CRMP1: variants seen among roughly 807,000 people sequenced by gnomAD.
CRMP1 encodes the protein dihydropyrimidinase-related protein 1.
CRMP1 carries 19 observed loss-of-function variants against 68.3 expected under a neutral mutation model. The observed-to-expected ratio is 0.28, with a 90% CI of 0.19 to 0.41. CRMP1 has a LOEUF of 0.41. CRMP1 is among the 10% of genes least tolerant of loss of function. The pLI, the probability that CRMP1 is intolerant of heterozygous loss-of-function variation, is 1.00. For missense variants in CRMP1, 791 were observed against 967.4 expected, an observed-to-expected ratio of 0.82 and a Z score of 2.42; for synonymous variants, 439 against 399.6, an observed-to-expected ratio of 1.10 and a Z score of -1.18.
Position 5,881,736 on chromosome 4 carries a change from A to C in CRMP1, c.381+10853T>G, listed in dbSNP as rs1715233809. On this transcript the variant is annotated intron_variant, in intron 1 of 13. Coordinates refer to ENST00000324989, the MANE Select transcript of CRMP1 (RefSeq NM_001014809.3). This position sits in a 1 kb window ranked among gnomAD's most constrained non-coding sequence, Gnocchi z 4.6. ...AATAATTTGTAGACTTGGTTGTAGC[A>C]AACATAAATTTTAAACGCTGATCAA... 6.6e-6 allele frequency among the ~76,000 whole-genome samples: 1 copy of C among 152,226 alleles called. No homozygotes were observed. The highest frequency in any genetic ancestry group is 6.5e-5 in the Admixed American group (1 of 15,288).
rs922590 is a variant in CRMP1 at position 5,828,070 on chromosome 4, G to T, written c.1803+419C>A. ...TGCAAGATGCCAGGGGTAACACCTT[G>T]CTCCACAGGGCCAGACCCGAGGGTT... On this transcript the variant is annotated intron_variant, in intron 12 of 13. Coordinates refer to ENST00000324989, the MANE Select transcript of CRMP1 (RefSeq NM_001014809.3). The T allele has an allele frequency of 2.7e-3, 2,622 of 985,432 alleles. 62 individuals are homozygous for T. The African/African-American group carries it at 0.042, about 16-fold the overall frequency. The allele number at this position is 985,432 out of a possible 1,614,324, so 61.0% of individuals were successfully genotyped here. A position where few individuals can be genotyped will look rare whatever the true frequency, so the allele number is the denominator to read the frequency against.
At chr4:5,824,745 C>T in intron 13 of CRMP1, 2 of 985,266 alleles carry the variant, frequency 2.0e-6, no homozygotes, top group Non-Finnish European at 2.4e-6. Context: ...AAAAAATCAC[C>T]ATACTCTTAG....
rs1234968931 is a variant in CRMP1, at chr4:5,866,461, G to A, written c.470+207C>T. ...GGAGCTGCCTCAGCCGTGTGGCAGG[G>A]AGCCTAGCCCGGGGGGGCACCCAAG... On this transcript the variant is annotated intron_variant, in intron 2 of 13. Coordinates refer to ENST00000324989, the MANE Select transcript of CRMP1 (RefSeq NM_001014809.3). The surrounding 1 kb of genome is among the most constrained non-coding windows in gnomAD (Gnocchi z 5.9). Among the ~76,000 whole-genome samples, 2 of 152,198 alleles carry A rather than the reference G, an allele frequency of 1.3e-5. No individual in the cohort carries two copies. Among genetic ancestry groups the A allele is most frequent in the East Asian group, 3.9e-4 (2 of 5,186 alleles).
In CRMP1 at chr4:5,841,798, C is replaced by G. The variant is rs1430737865; in HGVS notation, c.1033-370G>C. On this transcript the variant is annotated intron_variant, in intron 7 of 13. Coordinates refer to ENST00000324989, the MANE Select transcript of CRMP1 (RefSeq NM_001014809.3). This position sits in a 1 kb window ranked among gnomAD's most constrained non-coding sequence, Gnocchi z 6.9. ...CGGAACCTGTCCACTCATGTGGACT[C>G]ATGTCTGTGTCCCCTGTGTCCAGCA... Among the ~76,000 whole-genome samples the G allele has an allele frequency of 6.6e-6, 1 of 152,182 alleles. No homozygotes were observed. Among genetic ancestry groups the G allele is most frequent in the Admixed American group, 6.5e-5 (1 of 15,282 alleles).
intron 13 of CRMP1, chr4:5,824,728 C>G (rs1329333704): frequency 1.0e-6 from 1 of 985,118 alleles, no homozygotes; most frequent in Admixed American, 6.1e-5. Context: ...ATCCGGCCTT[C>G]TAAGAAAAAA....
Position 5,890,987 on chromosome 4 carries a change from TG to T in CRMP1, c.381+1601del. ...GCCTTGGCTGGAAACCCGGATTCCC[TG>T]GTGCTGGTCCCGCTTCTCGGCCCGC... is the stretch of plus-strand genomic sequence containing the variant. On this transcript the variant is annotated intron_variant, in intron 1 of 13. Coordinates refer to ENST00000324989, the MANE Select transcript of CRMP1 (RefSeq NM_001014809.3). The surrounding 1 kb of genome is among the most constrained non-coding windows in gnomAD (Gnocchi z 5.5). Among the ~76,000 whole-genome samples the T allele has an allele frequency of 6.6e-6, 1 of 151,988 alleles. No homozygotes were observed. The highest frequency in any genetic ancestry group is 1.5e-5 in the Non-Finnish European group (1 of 67,994).
In CRMP1 at chr4:5,821,868, A is replaced by G. The variant is rs372825726; in HGVS notation, c.1970-17T>C. 1.4e-4 allele frequency: 209 copies of G among 1,541,326 alleles called. 2 individuals are homozygous for G. In the South Asian group the frequency reaches 1.9e-3, roughly 14 times the overall value. On this transcript the variant is annotated splice_polypyrimidine_tract_variant and intron_variant, in intron 13 of 13. Coordinates refer to ENST00000324989, the MANE Select transcript of CRMP1 (RefSeq NM_001014809.3). This position sits in a 1 kb window ranked among gnomAD's most constrained non-coding sequence, Gnocchi z 4.4. ...TCTGGGCACCTGAAAGAGAGCGCCAATCGCTGCTGGATGGGATCTGTTAGC... is the reference window on the plus strand; with the variant it reads ...TCTGGGCACCTGAAAGAGAGCGCCAGTCGCTGCTGGATGGGATCTGTTAGC...
At chr4:5,871,774 C>T (rs1319502962) in intron 1 of CRMP1, among the ~76,000 whole-genome samples, 2 of 152,214 alleles carry the variant, frequency 1.3e-5, no homozygotes, top group African/African-American at 4.8e-5. Context: ...GATACGAATA[C>T]TCAAGAGGAG....
In CRMP1 at chr4:5,861,416, A is replaced by G. The variant is rs908829655; in HGVS notation, c.471-206T>C. On this transcript the variant is annotated intron_variant, in intron 2 of 13. Coordinates refer to ENST00000324989, the MANE Select transcript of CRMP1 (RefSeq NM_001014809.3). This position sits in a 1 kb window ranked among gnomAD's most constrained non-coding sequence, Gnocchi z 6.0. ...GTAAGACAGGTGGGCAGACTGTTAG[A>G]GCCCAGTATAGCAGAGATGATCGGG... is the stretch of plus-strand genomic sequence containing the variant. Among the ~76,000 whole-genome samples, 1 of 152,178 alleles carries G rather than the reference A, an allele frequency of 6.6e-6. No homozygotes were observed. Among genetic ancestry groups the G allele is most frequent in the Non-Finnish European group, 1.5e-5 (1 of 68,026 alleles).
intron 1 of CRMP1, among the ~76,000 whole-genome samples, chr4:5,873,905 G>C (rs996032285): frequency 2.0e-5 from 3 of 152,156 alleles, no homozygotes; most frequent in Non-Finnish European, 4.4e-5. Context: ...TGGGCTCTGT[G>C]GTGAAGGTCA....
At chr4:5,826,460 A>AC (rs1188120600) in intron 12 of CRMP1, 1 of 152,282 alleles carries the variant, frequency 6.6e-6, no homozygotes, top group Non-Finnish European at 1.5e-5. Flanking sequence ...TGGGGAGGAC[A>AC]CCTCCACACC....
chr4:5,851,300 G>C, intron 5 of CRMP1, 108 bp downstream of exon 5: 1 of 994,520 alleles, frequency 1.0e-6, no homozygotes, highest in Non-Finnish European at 1.6e-6. Flanking sequence ...ACCAGGACTC[G>C]AATCCCACGG....
Position 5,821,700 on chromosome 4 carries a change from G to T in CRMP1, c.*60C>A. ...ACTGTGGGTTTCAAAAACACTGACA[G>T]GAAAAGGGATGGACATGATTCCCAG... is the stretch of plus-strand genomic sequence containing the variant. On this transcript the variant is annotated 3_prime_UTR_variant, in exon 14 of 14. Coordinates refer to ENST00000324989, the MANE Select transcript of CRMP1 (RefSeq NM_001014809.3). The surrounding 1 kb of genome is among the most constrained non-coding windows in gnomAD (Gnocchi z 4.4). The T allele has an allele frequency of 6.7e-7, 1 of 1,487,516 alleles. No individual in the cohort carries two copies. 92.1% of individuals were successfully genotyped at this position (1,487,516 alleles called of 1,614,324 possible).
chr4:5,889,528 A>G lies in CRMP1; in HGVS notation c.381+3061T>C. 6.6e-7 allele frequency: 1 copy of G among 1,523,954 alleles called. No individual in the cohort carries two copies. Among genetic ancestry groups the G allele is most frequent in the Non-Finnish European group, 8.8e-7 (1 of 1,136,268 alleles). 94.4% of individuals were successfully genotyped at this position (1,523,954 alleles called of 1,614,324 possible). On this transcript the variant is annotated intron_variant, in intron 1 of 13. Coordinates refer to ENST00000324989, the MANE Select transcript of CRMP1 (RefSeq NM_001014809.3). The surrounding 1 kb of genome is among the most constrained non-coding windows in gnomAD (Gnocchi z 4.5). ...GACAAGGTCCGTAACAGCAGAGGGG[A>G]AAAGATGAAAGAAGATGGAGGAAAA...
intron 13 of CRMP1, among the ~76,000 whole-genome samples, chr4:5,823,411 G>A (rs1199116470): frequency 6.6e-6 from 1 of 152,190 alleles, no homozygotes; most frequent in Non-Finnish European, 1.5e-5. Flanking sequence ...TACCTTGCTG[G>A]TTGCATGTCT....
At chr4:5,868,255 A>ATATATCTATATATATATATATC in intron 1 of CRMP1, among the ~76,000 whole-genome samples, 1 of 80,686 alleles carries the variant, frequency 1.2e-5, no homozygotes, top group Non-Finnish European at 2.7e-5. Flanking sequence ...CTTCATGACT[A>ATATATCTATATATATATATATC]TATATCTATA....
intron 1 of CRMP1, among the ~76,000 whole-genome samples, chr4:5,868,285 A>ATATC (rs1714170067): frequency 8.2e-6 from 1 of 122,548 alleles, no homozygotes; most frequent in South Asian, 3.0e-4. Context: ...ATATATATAT[A>ATATC]TATATATATA....
Position 5,881,436 on chromosome 4 carries a change from T to C in CRMP1, c.381+11153A>G, listed in dbSNP as rs539350726. Reference sequence around the variant, plus strand: ...TCTTGAAGGATTAAAGACCTAAAATTACACCAGGTAAGTCTGCAACCATCA... The same window carrying C: ...TCTTGAAGGATTAAAGACCTAAAATCACACCAGGTAAGTCTGCAACCATCA... On this transcript the variant is annotated intron_variant, in intron 1 of 13. Transcript: ENST00000324989. The surrounding 1 kb of genome is among the most constrained non-coding windows in gnomAD (Gnocchi z 4.6). Among the ~76,000 whole-genome samples, 1 of 152,286 alleles carries C rather than the reference T, an allele frequency of 6.6e-6. No homozygotes were observed. The highest frequency in any genetic ancestry group is 6.5e-5 in the Admixed American group (1 of 15,296).
In CRMP1 at chr4:5,879,043, G is replaced by A. The variant is rs965319090; in HGVS notation, c.382-12287C>T. ...TTGTCCACTCCATATGACAGGCAGA[G>A]TGACCTTTCTGAAATGCAAATCCAA... is the stretch of plus-strand genomic sequence containing the variant. On this transcript the variant is annotated intron_variant, in intron 1 of 13. Transcript: ENST00000324989. The surrounding 1 kb of genome is among the most constrained non-coding windows in gnomAD (Gnocchi z 4.2). 3.3e-5 allele frequency among the ~76,000 whole-genome samples: 5 copies of A among 152,140 alleles called. No individual in the cohort carries two copies. The highest frequency in any genetic ancestry group is 4.1e-4 in the South Asian group (2 of 4,824).
Sources: gnomAD v4.1 joint callset for allele counts (sites outside exome capture counted in the v4.1 genomes callset) on GRCh38, gnomAD v4.1.1 for gene constraint, Gnocchi (gnomAD v3.1) non-coding constraint, MANE v1.5 for transcripts, NCBI Gene and HGNC (gene_info 2026-07-23, HGNC 2026-07-21) for gene names.